PKIB: variants seen among roughly 807,000 people sequenced by gnomAD.
The protein encoded by PKIB is PKI-beta.
A neutral mutation model predicts 4.5 loss-of-function variants in PKIB; 2 were observed. The ratio of observed to expected loss-of-function variants is 0.44; its 90% CI spans 0.18 to 1.39. The LOEUF (loss-of-function observed/expected upper bound fraction) is 1.39, where lower values mean the gene tolerates loss of function less well. PKIB is among the 40% of genes most tolerant of loss of function. The probability of loss-of-function intolerance (pLI) is 0.27; values close to 1 mark genes in which losing one functional copy is unlikely to be tolerated. For missense variants in PKIB, 94 were observed against 92.6 expected (o/e 1.02, Z -0.06); for synonymous variants, 38 against 36.0 (o/e 1.06, Z -0.20).
chr6:122,551,787 A>G (rs1374575747), intron 2 of PKIB, among the ~76,000 whole-genome samples: 1 of 151,700 alleles, frequency 6.6e-6, no homozygotes, highest in Non-Finnish European at 1.5e-5. Context: ...GTCTTTAAAT[A>G]CTAAAACTCC....
At chr6:122,724,266 C>G (rs1006354631) in intron 4 of PKIB, among the ~76,000 whole-genome samples, 1 of 151,970 alleles carries the variant, frequency 6.6e-6, no homozygotes, top group Non-Finnish European at 1.5e-5. Flanking sequence ...AAATGAAGAG[C>G]GCAGATGATT....
chr6:122,494,563 G>A lies in PKIB; in HGVS notation c.-248+16624G>A, dbSNP rs181013977. Among the ~76,000 whole-genome samples the A allele has an allele frequency of 2.6e-5, 4 of 152,260 alleles. No individual in the cohort carries two copies. The East Asian group carries it at 7.7e-4, about 29-fold the overall frequency. On this transcript the variant is annotated intron_variant, in intron 2 of 6. Coordinates refer to the PKIB transcript ENST00000392491. ...ATCAGCAAGTTTTACTAATTTTGTG[G>A]TTCCAGAACAGGTGGTGAAAAATAA...
rs1345822382 is a variant in PKIB at position 122,576,689 on chromosome 6, A to AAAAAAAATATATAT, written c.-247-9231_-247-9230insAAAAAATATATATA. Reference sequence around the variant, plus strand: ...ATCTCAAAAAAAAAAAAAAAAAAAAAATATATATATATATATATATATTTT... The same window carrying AAAAAAAATATATAT: ...ATCTCAAAAAAAAAAAAAAAAAAAAAAAAAAAATATATATATATATATATATATATATATATTTT... On this transcript the variant is annotated intron_variant, in intron 2 of 6. Coordinates refer to the PKIB transcript ENST00000392491. Among the ~76,000 whole-genome samples, 40 of 34,298 alleles carry AAAAAAAATATATAT rather than the reference A, an allele frequency of 1.2e-3. 1 individual carries two copies. The highest frequency in any genetic ancestry group is 1.7e-3 in the South Asian group (1 of 580). The allele number at this position is 34,298 out of a possible 152,430, so 22.5% of individuals were successfully genotyped here.
chr6:122,667,869 A>T (rs972463956), intron 2 of PKIB, among the ~76,000 whole-genome samples: 2 of 152,180 alleles, frequency 1.3e-5, no homozygotes, highest in African/African-American at 4.8e-5. Context: ...AATGCCAGGA[A>T]TTCTAGAACC....
At chr6:122,677,890 CCTTTCTTTCT>C (rs1777747232) in intron 3 of PKIB, among the ~76,000 whole-genome samples, 1 of 60,656 alleles carries the variant, frequency 1.6e-5, no homozygotes, top group African/African-American at 5.3e-5. Context: ...TTCCTTCCTT[CCTTTCTTTCT>C]TTCTTTCCTC....
At position 122,549,751 on chromosome 6, in the gene PKIB, G is replaced by A. The variant is rs182382093; in HGVS notation, c.-247-36170G>A. ...TCCTCTCACTTTTCCAGTTCTCTTC[G>A]CTAGAGGCAATCACTTTTGATTTCT... On this transcript the variant is annotated intron_variant, in intron 2 of 6. Transcript: ENST00000392491. Among the ~76,000 whole-genome samples the A allele has an allele frequency of 1.0e-3, 152 of 150,470 alleles. No homozygotes were observed. The Middle Eastern group carries it at 0.017, about 17-fold the overall frequency.
chr6:122,598,666 TCCACCATCCC>T (rs1774252587), intron 3 of PKIB, among the ~76,000 whole-genome samples: 1 of 152,130 alleles, frequency 6.6e-6, no homozygotes. Flanking sequence ...ACTAATCCAC[TCCACCATCCC>T]AATCTCCCTA....
intron 2 of PKIB, among the ~76,000 whole-genome samples, chr6:122,539,869 G>T (rs980704377): frequency 2.1e-4 from 32 of 152,100 alleles, no homozygotes; most frequent in African/African-American, 7.5e-4. Flanking sequence ...TCCTGTTATT[G>T]GTCTATTCAG....
chr6:122,648,532 C>A (rs534601723), intron 2 of PKIB, among the ~76,000 whole-genome samples: 1 of 152,256 alleles, frequency 6.6e-6, no homozygotes, highest in East Asian at 1.9e-4. Flanking sequence ...TGATGGAGAA[C>A]ATGGTAAGAT....
intron 1 of PKIB, among the ~76,000 whole-genome samples, chr6:122,473,920 G>A (rs1249727573): frequency 6.6e-6 from 1 of 152,214 alleles, no homozygotes; most frequent in Non-Finnish European, 1.5e-5. Context: ...ATCACCTGAG[G>A]TCAGGAGTTC....
At chr6:122,673,945 G>A (rs993988752) in intron 2 of PKIB, among the ~76,000 whole-genome samples, 137 of 152,286 alleles carry the variant, frequency 9.0e-4, no homozygotes, top group Non-Finnish European at 1.7e-3. Flanking sequence ...TCTGGAAAGG[G>A]TTGCCCAAGT....
intron 2 of PKIB, among the ~76,000 whole-genome samples, chr6:122,557,605 T>C (rs570732299): frequency 1.7e-4 from 26 of 152,342 alleles, no homozygotes; most frequent in African/African-American, 5.3e-4. Flanking sequence ...ACCAAGGAGC[T>C]CTTCTTCCCA....
chr6:122,659,750 A>G (rs1053853902), intron 2 of PKIB, among the ~76,000 whole-genome samples: 3 of 152,184 alleles, frequency 2.0e-5, no homozygotes, highest in Non-Finnish European at 4.4e-5. Flanking sequence ...TATGTGTATC[A>G]CTAGCATTGA....
chr6:122,521,896 T>G (rs1452280937), intron 2 of PKIB, among the ~76,000 whole-genome samples: 1 of 152,150 alleles, frequency 6.6e-6, no homozygotes, highest in Non-Finnish European at 1.5e-5. Flanking sequence ...TTAGTCCTTG[T>G]CAATTTCCGA....
chr6:122,485,124 G>T (rs905158123), intron 2 of PKIB, among the ~76,000 whole-genome samples: 29 of 152,178 alleles, frequency 1.9e-4, no homozygotes, highest in African/African-American at 7.0e-4. Context: ...TGATTCTGGG[G>T]GCTGCCTGAT....
At chr6:122,481,528 A>C (rs1274742952) in intron 2 of PKIB, 1 of 152,166 alleles carries the variant, frequency 6.6e-6, no homozygotes, top group African/African-American at 2.4e-5. Context: ...TCATATCAAA[A>C]CTGATTTTCT....
chr6:122,674,082 G>A (rs1777571453), intron 2 of PKIB, among the ~76,000 whole-genome samples: 1 of 152,166 alleles, frequency 6.6e-6, no homozygotes, highest in Non-Finnish European at 1.5e-5. Context: ...TGACTGCAGA[G>A]TTTTAGGATT....
intron 2 of PKIB, among the ~76,000 whole-genome samples, chr6:122,493,717 T>C (rs1270469662): frequency 6.6e-6 from 1 of 152,202 alleles, no homozygotes; most frequent in Non-Finnish European, 1.5e-5. Flanking sequence ...GCTTTGGTAG[T>C]ATGCAAAATT....
rs192438755 is a variant in PKIB at position 122,495,282 on chromosome 6, C to T, written c.-248+17343C>T. On this transcript the variant is annotated intron_variant, in intron 2 of 6. Coordinates refer to the PKIB transcript ENST00000392491. The stretch of plus-strand genomic sequence containing the variant: ...TGTATCACATGCCCTACAGTCTTTA[C>T]TGCTGCAGCTGAGGGGGTCCTGCCT... Among the ~76,000 whole-genome samples the T allele has an allele frequency of 2.0e-5, 3 of 152,286 alleles. No individual in the cohort carries two copies. The East Asian group carries it at 5.8e-4, about 30-fold the overall frequency.
Sources: gnomAD v4.1 joint callset for allele counts (sites outside exome capture counted in the v4.1 genomes callset) on GRCh38, gnomAD v4.1.1 for gene constraint, MANE v1.5 for transcripts, NCBI Gene and HGNC (gene_info 2026-07-23, HGNC 2026-07-21) for gene names.